The following CTNNA3 variants were observed in gnomAD, a reference collection of about 807,000 sequenced individuals.
CTNNA3 encodes the protein catenin alpha 3.
In CTNNA3, 76 loss-of-function variants were observed where a neutral mutation model predicts 95.7. That is an observed-to-expected ratio of 0.79 (90% CI 0.66 to 0.96). CTNNA3 has a LOEUF of 0.96. Among genes scored for constraint, CTNNA3 ranks in the 40% least tolerant of loss-of-function variants. The pLI, the probability that CTNNA3 is intolerant of heterozygous loss-of-function variation, is 0.00. For synonymous variants in CTNNA3, 431 were observed against 374.4 expected (o/e 1.15, Z -1.74); for missense variants, 1,191 against 1,089.8 (o/e 1.09, Z -1.31).
chr10:66,292,582 G>GCA (rs999619589), intron 12 of CTNNA3, among the ~76,000 whole-genome samples: 7 of 151,990 alleles, frequency 4.6e-5, no homozygotes, highest in African/African-American at 1.5e-4. Context: ...CCTCAATAGT[G>GCA]CACACACAGT....
At chr10:66,587,738 T>A (rs1187320807) in intron 10 of CTNNA3, among the ~76,000 whole-genome samples, 2 of 152,166 alleles carry the variant, frequency 1.3e-5, no homozygotes, top group Non-Finnish European at 2.9e-5. Context: ...CCACTCATAA[T>A]GTTCGCTAAA....
intron 10 of CTNNA3, among the ~76,000 whole-genome samples, chr10:66,596,757 A>T (rs1843727363): frequency 6.6e-6 from 1 of 152,164 alleles, no homozygotes; most frequent in African/African-American, 2.4e-5. Context: ...ACCATCAAAC[A>T]GCTTCAAGAA....
chr10:66,890,355 G>A (rs1047007285), intron 7 of CTNNA3, among the ~76,000 whole-genome samples: 5 of 151,220 alleles, frequency 3.3e-5, no homozygotes, highest in Non-Finnish European at 5.9e-5. Flanking sequence ...AGGCTCTGAG[G>A]CATTCAAAGA....
At chr10:66,581,100 G>T (rs1268661926) in intron 10 of CTNNA3, among the ~76,000 whole-genome samples, 7 of 151,674 alleles carry the variant, frequency 4.6e-5, no homozygotes, top group African/African-American at 1.5e-4. Flanking sequence ...TGGCTGAGTA[G>T]TATTCCATGA....
intron 5 of CTNNA3, among the ~76,000 whole-genome samples, chr10:67,497,972 C>T (rs1164627242): frequency 6.6e-6 from 1 of 152,130 alleles, no homozygotes; most frequent in African/African-American, 2.4e-5. Flanking sequence ...GCTTTTGTTG[C>T]CATTGCTTTG....
chr10:66,745,730 C>T (rs186918254), intron 9 of CTNNA3, among the ~76,000 whole-genome samples: 16 of 150,476 alleles, frequency 1.1e-4, no homozygotes, highest in Admixed American at 6.6e-5. Context: ...GCTGGGACTA[C>T]AGGCGCACAT....
intron 9 of CTNNA3, among the ~76,000 whole-genome samples, chr10:66,692,917 G>T (rs1426425645): frequency 1.3e-5 from 2 of 152,126 alleles, no homozygotes; most frequent in Non-Finnish European, 2.9e-5. Context: ...AATGCTGAGA[G>T]ATTTTGTCAC....
intron 1 of CTNNA3, among the ~76,000 whole-genome samples, chr10:67,673,619 CAT>C (rs1840482536): frequency 2.7e-5 from 4 of 146,828 alleles, no homozygotes; most frequent in Admixed American, 2.7e-4. Flanking sequence ...TTGAGATAAT[CAT>C]GTGGTTTTTG....
At chr10:67,171,020 C>G (rs571968870) in intron 7 of CTNNA3, among the ~76,000 whole-genome samples, 41 of 152,242 alleles carry the variant, frequency 2.7e-4, no homozygotes, top group African/African-American at 8.7e-4. Context: ...ACTGACTTAA[C>G]TAAAATTAAT....
At chr10:66,973,808 G>T (rs1490584862) in intron 7 of CTNNA3, among the ~76,000 whole-genome samples, 1 of 151,946 alleles carries the variant, frequency 6.6e-6, no homozygotes, top group Non-Finnish European at 1.5e-5. Context: ...TATTTTTACT[G>T]AGATGGGGTT....
intron 4 of CTNNA3, among the ~76,000 whole-genome samples, chr10:67,522,705 G>A (rs977486231): frequency 5.3e-5 from 8 of 151,022 alleles, no homozygotes; most frequent in Non-Finnish European, 1.2e-4. Flanking sequence ...GTGAAAAATT[G>A]CAACGAACCA....
intron 7 of CTNNA3, among the ~76,000 whole-genome samples, chr10:66,959,340 G>T (rs1348223426): frequency 2.0e-5 from 3 of 152,128 alleles, no homozygotes; most frequent in African/African-American, 4.8e-5. Flanking sequence ...ACCAAGACAG[G>T]ATTTCTATTT....
chr10:66,480,627 C>CA (rs145120988), intron 11 of CTNNA3, among the ~76,000 whole-genome samples: 5,530 of 151,906 alleles, frequency 0.036, 356 homozygotes, highest in African/African-American at 0.13. Context: ...TTTTTTGAGA[C>CA]AAAGTCTCGC....
intron 9 of CTNNA3, among the ~76,000 whole-genome samples, chr10:66,651,800 G>GGCCCTTGATCACGGCACACAGCAGC (rs138035312): frequency 4.6e-5 from 7 of 151,348 alleles, no homozygotes; most frequent in African/African-American, 1.2e-4. Context: ...AACCCGCATT[G>GGCCCTTGATCACGGCACACAGCAGC]GCCGGTTCCC....
chr10:66,301,676 T>C (rs2091865381), intron 12 of CTNNA3, among the ~76,000 whole-genome samples: 1 of 151,906 alleles, frequency 6.6e-6, no homozygotes, highest in African/African-American at 2.4e-5. Flanking sequence ...CACCCACTCA[T>C]AGTAAGAACT....
chr10:66,997,086 A>C (rs1045748679), intron 7 of CTNNA3, among the ~76,000 whole-genome samples: 1 of 152,188 alleles, frequency 6.6e-6, no homozygotes, highest in Non-Finnish European at 1.5e-5. Context: ...AAACTTTTAG[A>C]TGTGATGGCA....
At chr10:67,184,963 C>A (rs967697704) in intron 6 of CTNNA3, among the ~76,000 whole-genome samples, 1 of 152,102 alleles carries the variant, frequency 6.6e-6, no homozygotes, top group African/African-American at 2.4e-5. Context: ...GAAATCCATG[C>A]ATAGTTTTTT....
chr10:67,000,032 C>T (rs920715334), intron 7 of CTNNA3, among the ~76,000 whole-genome samples: 3 of 152,084 alleles, frequency 2.0e-5, no homozygotes, highest in Non-Finnish European at 4.4e-5. Flanking sequence ...CTGTTTTTCA[C>T]AATTAAAACT....
At chr10:67,307,422 A>C (rs780044541) in intron 5 of CTNNA3, among the ~76,000 whole-genome samples, 1 of 152,210 alleles carries the variant, frequency 6.6e-6, no homozygotes, top group Non-Finnish European at 1.5e-5. Context: ...AAGCCTTTGC[A>C]GTCCTGAATC....
Sources: allele counts gnomAD v4.1 joint callset (sites outside exome capture counted in the v4.1 genomes callset), GRCh38; gene constraint gnomAD v4.1.1; transcripts MANE v1.5; gene names NCBI Gene and HGNC (gene_info 2026-07-23, HGNC 2026-07-21).